NALF1: variants seen among roughly 807,000 people sequenced by gnomAD.
The protein encoded by NALF1 is NALCN channel auxiliary factor 1.
In NALF1, 3 loss-of-function variants were observed where a neutral mutation model predicts 48.4. The ratio of observed to expected loss-of-function variants is 0.06; its 90% CI spans 0.03 to 0.16. NALF1 has a LOEUF of 0.16. Among genes scored for constraint, NALF1 ranks in the 10% least tolerant of loss-of-function variants. The pLI is 1.00. For synonymous variants in NALF1, 262 were observed against 245.7 expected (o/e 1.07, Z -0.62); for missense variants, 526 against 571.5 (o/e 0.92, Z 0.81).
chr13:107,588,688 T>G (rs1016598139), intron 1 of NALF1, among the ~76,000 whole-genome samples: 1 of 152,120 alleles, frequency 6.6e-6, no homozygotes, highest in African/African-American at 2.4e-5. Context: ...CTGCATAATT[T>G]TGACTGTGCA....
intron 1 of NALF1, among the ~76,000 whole-genome samples, chr13:107,740,987 T>C (rs1347920507): frequency 1.3e-5 from 2 of 152,228 alleles, no homozygotes; most frequent in African/African-American, 2.4e-5. Context: ...ATGATGTTTA[T>C]TCATTCATGT....
At chr13:107,208,318 T>C (rs1285006474) in intron 2 of NALF1, among the ~76,000 whole-genome samples, 1 of 152,140 alleles carries the variant, frequency 6.6e-6, no homozygotes, top group African/African-American at 2.4e-5. Flanking sequence ...TCCTGCCACT[T>C]TTCCTTAATG....
chr13:107,751,241 C>A (rs2138552821), intron 1 of NALF1, among the ~76,000 whole-genome samples: 1 of 152,260 alleles, frequency 6.6e-6, no homozygotes, highest in Admixed American at 6.5e-5. Context: ...CAAATGTGTT[C>A]CAATGATATT....
At chr13:107,503,162 T>C (rs1252411762) in intron 1 of NALF1, among the ~76,000 whole-genome samples, 1 of 152,210 alleles carries the variant, frequency 6.6e-6, no homozygotes, top group Non-Finnish European at 1.5e-5. Context: ...CATTCAGTTT[T>C]CCTGCCCAGT....
chr13:107,709,934 T>C (rs1875514748), intron 1 of NALF1, among the ~76,000 whole-genome samples: 1 of 152,148 alleles, frequency 6.6e-6, no homozygotes, highest in African/African-American at 2.4e-5. Context: ...ACCTCAGATT[T>C]AATTGGAAAG....
intron 2 of NALF1, among the ~76,000 whole-genome samples, chr13:107,187,538 T>G (rs1051165934): frequency 6.6e-6 from 1 of 152,140 alleles, no homozygotes; most frequent in African/African-American, 2.4e-5. Flanking sequence ...TGAAGACTGA[T>G]CCTGAGGCTC....
chr13:107,210,559 T>C (rs778067355), intron 2 of NALF1, 25 bp downstream of exon 2: 1 of 1,556,542 alleles, frequency 6.4e-7, no homozygotes, highest in Non-Finnish European at 8.9e-7. Flanking sequence ...GAGACTGGTG[T>C]ACAGACTCCC....
At chr13:107,395,059 C>T (rs1883689434) in intron 1 of NALF1, among the ~76,000 whole-genome samples, 1 of 152,088 alleles carries the variant, frequency 6.6e-6, no homozygotes, top group African/African-American at 2.4e-5. Flanking sequence ...GGCATAGTCC[C>T]CTTGCTAAAG....
chr13:107,777,426 C>T (rs1014999214), intron 1 of NALF1, among the ~76,000 whole-genome samples: 2 of 152,150 alleles, frequency 1.3e-5, no homozygotes, highest in African/African-American at 4.8e-5. Flanking sequence ...ATCTGCAATG[C>T]TGGAGGGCCA....
At chr13:107,502,091 A>C (rs7333341) in intron 1 of NALF1, among the ~76,000 whole-genome samples, 3 of 152,142 alleles carry the variant, frequency 2.0e-5, no homozygotes, top group African/African-American at 7.2e-5. Context: ...CAAGAATACA[A>C]AGAATGCATT....
chr13:107,182,226 C>CTGTGTGTGTGTG lies in NALF1; in HGVS notation c.1088-11452_1088-11441dup, dbSNP rs148923366. On this transcript the variant is annotated intron_variant, in intron 2 of 2. Transcript: ENST00000375915. ...GAGCATATTTATTTATTTATTTATG[C>CTGTGTGTGTGTG]TGTGTGTGTGTGTGTGTGTGTGTGT... is the stretch of plus-strand genomic sequence containing the variant. Among the ~76,000 whole-genome samples, 860 of 145,202 alleles carry CTGTGTGTGTGTG rather than the reference C, an allele frequency of 5.9e-3. 7 individuals are homozygous for CTGTGTGTGTGTG. Among genetic ancestry groups the CTGTGTGTGTGTG allele is most frequent in the African/African-American group, 0.021 (808 of 38,394 alleles).
intron 1 of NALF1, among the ~76,000 whole-genome samples, chr13:107,277,554 A>C (rs1881305642): frequency 6.6e-6 from 1 of 152,154 alleles, no homozygotes; most frequent in African/African-American, 2.4e-5. Context: ...CTTGACTGTC[A>C]GTTTCTCATT....
intron 1 of NALF1, among the ~76,000 whole-genome samples, chr13:107,591,690 G>A (rs1346409713): frequency 6.6e-6 from 1 of 151,932 alleles, no homozygotes; most frequent in Non-Finnish European, 1.5e-5. Context: ...GCTTCATGCT[G>A]AAAGAAACAA....
intron 2 of NALF1, among the ~76,000 whole-genome samples, chr13:107,182,248 G>GTT (rs1439172958): frequency 1.1e-5 from 1 of 93,010 alleles, no homozygotes; most frequent in Non-Finnish European, 2.2e-5. Flanking sequence ...GTGTGTGTGT[G>GTT]TGTCCGTGTG....
At chr13:107,353,739 G>T (rs1331801666) in intron 1 of NALF1, among the ~76,000 whole-genome samples, 1 of 152,064 alleles carries the variant, frequency 6.6e-6, no homozygotes, top group African/African-American at 2.4e-5. Flanking sequence ...GATTTATTTC[G>T]GCAGCAACAG....
chr13:107,751,311 C>A (rs999582853), intron 1 of NALF1, among the ~76,000 whole-genome samples: 5 of 152,152 alleles, frequency 3.3e-5, no homozygotes, highest in African/African-American at 1.2e-4. Context: ...CTTATGGAAA[C>A]CTTTCTGTGT....
intron 1 of NALF1, among the ~76,000 whole-genome samples, chr13:107,250,496 A>G (rs1305535778): frequency 6.6e-6 from 1 of 152,138 alleles, no homozygotes; most frequent in African/African-American, 2.4e-5. Context: ...CAGGACTTTA[A>G]TGGTGGTTTG....
intron 1 of NALF1, among the ~76,000 whole-genome samples, chr13:107,576,233 A>T (rs932455818): frequency 6.6e-6 from 1 of 152,208 alleles, no homozygotes; most frequent in African/African-American, 2.4e-5. Flanking sequence ...GCAGATAATG[A>T]TTGGCTCTTC....
intron 1 of NALF1, among the ~76,000 whole-genome samples, chr13:107,253,007 C>CT (rs1191235998): frequency 1.3e-5 from 2 of 152,250 alleles, no homozygotes; most frequent in East Asian, 3.9e-4. Flanking sequence ...AACACATTTT[C>CT]TTTTTACATT....
Sources: allele counts gnomAD v4.1 joint callset (sites outside exome capture counted in the v4.1 genomes callset), GRCh38; gene constraint gnomAD v4.1.1; transcripts MANE v1.5; gene names NCBI Gene and HGNC (gene_info 2026-07-23, HGNC 2026-07-21).